The following RALGAPA2 variants were observed in gnomAD, a reference collection of about 807,000 sequenced individuals.
RALGAPA2 encodes the protein ral GTPase-activating protein subunit alpha-2.
In RALGAPA2, 139 loss-of-function variants were observed where a neutral mutation model predicts 230.4. The ratio of observed to expected loss-of-function variants is 0.60; its 90% CI spans 0.53 to 0.69. RALGAPA2 has a LOEUF of 0.69. Ranked by LOEUF, RALGAPA2 falls within the 30% of genes least tolerant of loss-of-function variation. The probability of loss-of-function intolerance (pLI) is 0.00; values close to 1 mark genes in which losing one functional copy is unlikely to be tolerated. For synonymous variants in RALGAPA2, 847 were observed against 837.8 expected (o/e 1.01, Z -0.19); for missense variants, 2,163 against 2,276.0 (o/e 0.95, Z 1.01).
At position 20,577,618 on chromosome 20, in the gene RALGAPA2, T is replaced by C. The variant is rs1008260560; in HGVS notation, c.2708-4550A>G. ...TATAAAACCTCGGAAGAAAGACTCA[T>C]CATCCTAATTCTGTAAAGTAAGTAC... On this transcript the variant is annotated intron_variant, in intron 20 of 39. Coordinates refer to ENST00000202677, the MANE Select transcript of RALGAPA2 (RefSeq NM_020343.4). Among the ~76,000 whole-genome samples the C allele has an allele frequency of 2.0e-5, 3 of 152,188 alleles. No homozygotes were observed. In the Middle Eastern group the frequency reaches 9.5e-3, roughly 482 times the overall value.
At chr20:20,503,612 ATCTT>A (rs1411798470) in intron 34 of RALGAPA2, 106 bp from the exon 35 acceptor site, 24 of 942,018 alleles carry the variant, frequency 2.5e-5, no homozygotes, top group Middle Eastern at 3.1e-4. Context: ...TCGTTTTTAT[ATCTT>A]TCTTTCTGAT....
chr20:20,577,545 G>A (rs1276149228), intron 20 of RALGAPA2, among the ~76,000 whole-genome samples: 1 of 152,116 alleles, frequency 6.6e-6, no homozygotes, highest in Non-Finnish European at 1.5e-5. Context: ...TGCCTGAAAG[G>A]CAGAGTGCAA....
At chr20:20,511,535 G>C (rs2145339797) in intron 32 of RALGAPA2, among the ~76,000 whole-genome samples, 1 of 152,304 alleles carries the variant, frequency 6.6e-6, no homozygotes, top group Non-Finnish European at 1.5e-5. Context: ...ACTACCCAGT[G>C]ACACAGATGG....
intron 2 of RALGAPA2, among the ~76,000 whole-genome samples, chr20:20,676,841 T>C (rs2068341252): frequency 6.6e-6 from 1 of 152,180 alleles, no homozygotes; most frequent in Non-Finnish European, 1.5e-5. Flanking sequence ...ACAAACCTCT[T>C]CTGTAAAGGG....
At chr20:20,409,457 G>C (rs2060015770) in intron 38 of RALGAPA2, among the ~76,000 whole-genome samples, 1 of 152,192 alleles carries the variant, frequency 6.6e-6, no homozygotes, top group Non-Finnish European at 1.5e-5. Context: ...CCAAGCCCAA[G>C]GCCCTGCTTT....
At position 20,670,062 on chromosome 20, in the gene RALGAPA2, C is replaced by T. The variant is rs186780501; in HGVS notation, c.270+6174G>A. 3.4e-4 allele frequency among the ~76,000 whole-genome samples: 52 copies of T among 152,316 alleles called. No homozygotes were observed. The East Asian group carries it at 8.7e-3, about 25-fold the overall frequency. On this transcript the variant is annotated intron_variant, in intron 3 of 39. Transcript: ENST00000202677. ...CAGAAGGTCATTACTGGAGCTCTGA[C>T]ATGAATTCATTCTTACCAGTAGACT...
intron 37 of RALGAPA2, among the ~76,000 whole-genome samples, chr20:20,464,290 C>A (rs965760393): frequency 2.0e-5 from 3 of 152,208 alleles, no homozygotes; most frequent in Non-Finnish European, 2.9e-5. Context: ...CAGCCAAGGC[C>A]CGCCCGCTCC....
Position 20,583,048 on chromosome 20 carries a change from A to G in RALGAPA2, c.2707+2T>C. ...GTGCCTCTTTTTCAAAATGCAATTT[A>G]CCTGTTAAATTTGAAGCATCGGTGG... On this transcript the variant is annotated splice_donor_variant, in intron 20 of 39. Transcript: ENST00000202677. LOFTEE classifies it high-confidence loss of function. The G allele has an allele frequency of 6.2e-7, 1 of 1,612,974 alleles. No individual in the cohort carries two copies. The highest frequency in any genetic ancestry group is 1.7e-5 in the Admixed American group (1 of 59,888).
chr20:20,534,603 C>T (rs2063452937), intron 26 of RALGAPA2, among the ~76,000 whole-genome samples: 1 of 151,412 alleles, frequency 6.6e-6, no homozygotes, highest in East Asian at 1.9e-4. Context: ...CCTAAAATCA[C>T]TGAAGAGAAT....
chr20:20,548,262 C>T (rs1325664839), intron 23 of RALGAPA2, among the ~76,000 whole-genome samples: 4 of 152,044 alleles, frequency 2.6e-5, no homozygotes, highest in Non-Finnish European at 5.9e-5. Context: ...TAGTAACATG[C>T]TAAATTCTAA....
At chr20:20,651,098 C>T (rs1469744959) in intron 4 of RALGAPA2, among the ~76,000 whole-genome samples, 3 of 152,150 alleles carry the variant, frequency 2.0e-5, no homozygotes, top group East Asian at 1.9e-4. Context: ...GAGGAGAAGG[C>T]GCTGCCCAGG....
chr20:20,425,625 C>G (rs1019053954), intron 37 of RALGAPA2, among the ~76,000 whole-genome samples: 1 of 152,174 alleles, frequency 6.6e-6, no homozygotes, highest in Admixed American at 6.5e-5. Flanking sequence ...AGGAAAGAAG[C>G]TGATGTGAAG....
intron 24 of RALGAPA2, among the ~76,000 whole-genome samples, chr20:20,539,088 T>C (rs2063571910): frequency 6.6e-6 from 1 of 152,216 alleles, no homozygotes; most frequent in Non-Finnish European, 1.5e-5. Context: ...ACTGTTCTAC[T>C]GCTGATGGGC....
chr20:20,509,335 C>G (rs2145315902), intron 33 of RALGAPA2, among the ~76,000 whole-genome samples: 1 of 152,310 alleles, frequency 6.6e-6, no homozygotes, highest in Admixed American at 6.5e-5. Context: ...TTTACTGTCT[C>G]ACCTGATAAG....
In RALGAPA2 at chr20:20,482,815, C is replaced by T. The variant is rs572280294; in HGVS notation, c.5368-9859G>A. On this transcript the variant is annotated intron_variant, in intron 36 of 39. Transcript: ENST00000202677. Reference sequence around the variant, plus strand: ...TGGAAAGCTCTGGAATAGGTATGTACGGAAATGCATACAGATAAGAGAAAA... The same window carrying T: ...TGGAAAGCTCTGGAATAGGTATGTATGGAAATGCATACAGATAAGAGAAAA... Among the ~76,000 whole-genome samples the T allele has an allele frequency of 3.9e-5, 6 of 152,108 alleles. No individual in the cohort carries two copies. The South Asian group carries it at 6.2e-4, about 16-fold the overall frequency.
intron 1 of RALGAPA2, among the ~76,000 whole-genome samples, chr20:20,683,779 TCTC>T (rs2068604142): frequency 6.6e-6 from 1 of 152,124 alleles, no homozygotes; most frequent in Admixed American, 6.5e-5. Context: ...GGTTCCCACA[TCTC>T]CTGCCTGAAT....
intron 27 of RALGAPA2, among the ~76,000 whole-genome samples, chr20:20,529,652 G>A (rs1380170356): frequency 5.3e-5 from 8 of 152,138 alleles, no homozygotes; most frequent in African/African-American, 1.9e-4. Flanking sequence ...AGTTCCTACA[G>A]TATTTAGTAC....
intron 37 of RALGAPA2, among the ~76,000 whole-genome samples, chr20:20,455,059 A>G (rs576425884): frequency 6.6e-6 from 1 of 152,330 alleles, no homozygotes; most frequent in Admixed American, 6.5e-5. Context: ...ATCAAGTTTC[A>G]GAGGAATGGT....
intron 27 of RALGAPA2, among the ~76,000 whole-genome samples, chr20:20,527,179 A>T (rs1238146395): frequency 1.3e-5 from 2 of 152,132 alleles, no homozygotes; most frequent in East Asian, 1.9e-4. Flanking sequence ...TAGTCTAGGG[A>T]CACCTCACTC....
Sources: allele counts gnomAD v4.1 joint callset (sites outside exome capture counted in the v4.1 genomes callset), GRCh38; gene constraint gnomAD v4.1.1; transcripts MANE v1.5; gene names NCBI Gene and HGNC (gene_info 2026-07-23, HGNC 2026-07-21).